NKAIN1: variants seen among roughly 807,000 people sequenced by gnomAD.
NKAIN1 encodes sodium/potassium-transporting ATPase subunit beta-1-interacting protein 1.
NKAIN1 carries 13 observed loss-of-function variants against 31.6 expected under a neutral mutation model. The ratio of observed to expected loss-of-function variants is 0.41; its 90% confidence interval spans 0.27 to 0.65. NKAIN1 has a LOEUF of 0.65. NKAIN1 is among the 30% of genes least tolerant of loss of function. The pLI is 0.30. For synonymous variants in NKAIN1, 104 were observed against 109.0 expected (o/e 0.95, Z 0.28); for missense variants, 193 against 262.2 (o/e 0.74, Z 1.82).
intron 4 of NKAIN1, among the ~76,000 whole-genome samples, chr1:31,183,474 G>GTTTTTTTTTTTTTTTTTT (rs1553161537): frequency 9.9e-6 from 1 of 101,022 alleles, no homozygotes; most frequent in African/African-American, 5.3e-5. Flanking sequence ...TTTTTATGGA[G>GTTTTTTTTTTTTTTTTTT]TTTCGCTCTT....
chr1:31,237,521 A>G (rs538166398), intron 1 of NKAIN1, among the ~76,000 whole-genome samples: 116 of 149,274 alleles, frequency 7.8e-4, no homozygotes, highest in African/African-American at 2.8e-3. Context: ...TTTTTTTGAG[A>G]CACAGTTTCA....
intron 1 of NKAIN1, among the ~76,000 whole-genome samples, chr1:31,209,320 A>G (rs1382974679): frequency 6.6e-6 from 1 of 152,140 alleles, no homozygotes; most frequent in Non-Finnish European, 1.5e-5. Flanking sequence ...GGTTGCAGTG[A>G]GCCGAGATTG....
chr1:31,185,166 GTCCTATACCACAGT>G lies in NKAIN1; in HGVS notation c.273+67_273+80del, dbSNP rs1367719346. ...GACTTCTTCGAGACATGATGCTCTG[GTCCTATACCACAGT>G]ACCCTTAGGGCAGGGGATGGGAATG... On this transcript the variant is annotated intron_variant, in intron 3 of 6. Coordinates refer to ENST00000373736, the MANE Select transcript of NKAIN1 (RefSeq NM_024522.3). 8.1e-6 allele frequency: 9 copies of G among 1,112,954 alleles called. No homozygotes were observed. In the Admixed American group the frequency reaches 1.0e-4, roughly 12 times the overall value. 68.9% of individuals were successfully genotyped at this position (1,112,954 alleles called of 1,614,324 possible). A position where few individuals can be genotyped will look rare whatever the true frequency, so the allele number is the denominator to read the frequency against.
intron 1 of NKAIN1, among the ~76,000 whole-genome samples, chr1:31,190,143 G>T (rs1173707753): frequency 6.6e-6 from 1 of 152,194 alleles, no homozygotes; most frequent in Non-Finnish European, 1.5e-5. Flanking sequence ...GATAAAGTGA[G>T]AAGATATAAG....
Position 31,188,158 on chromosome 1 carries a change from G to A in NKAIN1, c.84C>T (p.Asp28=), listed in dbSNP as rs925667100. 1.3e-6 allele frequency: 2 copies of A among 1,551,694 alleles called. No homozygotes were observed. Among genetic ancestry groups the A allele is most frequent in the Non-Finnish European group, 1.7e-6 (2 of 1,146,978 alleles). The change falls in exon 2 of 7, where the codon GAC becomes GAT. Residue 28 remains aspartate, a synonymous_variant. Transcript: ENST00000373736. ...LVAALERQIF[D]FLGYQWAPIL... ...TGGGAGCCCACTGGTAGCCCAGGAA[G>A]TCAAAGATCTGCCGCTCCAGCGCAG... is the stretch of plus-strand genomic sequence containing the variant.
chr1:31,211,839 G>T (rs4949363), intron 1 of NKAIN1, among the ~76,000 whole-genome samples: 102,133 of 151,952 alleles, frequency 0.67, 35,217 homozygotes, highest in Middle Eastern at 0.86. Flanking sequence ...CTACTCAGGA[G>T]GCTGAGGTAG....
chr1:31,237,557 C>T (rs1183499449), intron 1 of NKAIN1, among the ~76,000 whole-genome samples: 1 of 151,072 alleles, frequency 6.6e-6, no homozygotes, highest in African/African-American at 2.4e-5. Context: ...TGGAGTGCAG[C>T]GGCGTGATCT....
intron 1 of NKAIN1, among the ~76,000 whole-genome samples, chr1:31,221,838 A>G (rs1645567376): frequency 6.6e-6 from 1 of 152,140 alleles, no homozygotes; most frequent in Non-Finnish European, 1.5e-5. Flanking sequence ...GGCCAGGGGT[A>G]GGGTTTAAAC....
chr1:31,218,207 T>A lies in NKAIN1; in HGVS notation c.54+21287A>T, dbSNP rs568903521. Among the ~76,000 whole-genome samples the A allele has an allele frequency of 2.6e-5, 4 of 151,782 alleles. No homozygotes were observed. In the East Asian group the frequency reaches 7.8e-4, roughly 29 times the overall value. Reference sequence around the variant, plus strand: ...CCTCCCGGGTAGCTGGGACTACAGGTGCACACTGCCATGCCTGGCTAATTT... The same window carrying A: ...CCTCCCGGGTAGCTGGGACTACAGGAGCACACTGCCATGCCTGGCTAATTT... On this transcript the variant is annotated intron_variant, in intron 1 of 6. Coordinates refer to ENST00000373736, the MANE Select transcript of NKAIN1 (RefSeq NM_024522.3).
At chr1:31,188,304 C>T in intron 1 of NKAIN1, 117 bp from the exon 2 acceptor site, 2 of 1,084,594 alleles carry the variant, frequency 1.8e-6, no homozygotes, top group Non-Finnish European at 2.6e-6. Context: ...GCATAAGCCT[C>T]AGAACAATCC....
At chr1:31,227,190 G>A (rs1440433017) in intron 1 of NKAIN1, among the ~76,000 whole-genome samples, 2 of 152,158 alleles carry the variant, frequency 1.3e-5, no homozygotes, top group African/African-American at 4.8e-5. Context: ...CCTGGCTGTT[G>A]GCACCAGCCA....
At chr1:31,214,360 T>C (rs67092462) in intron 1 of NKAIN1, among the ~76,000 whole-genome samples, 17,553 of 151,522 alleles carry the variant, frequency 0.12, 1,776 homozygotes, top group African/African-American at 0.27. Flanking sequence ...CAGATAGTGG[T>C]GATGGCTGCA....
At chr1:31,220,991 C>T (rs1645560548) in intron 1 of NKAIN1, among the ~76,000 whole-genome samples, 2 of 152,046 alleles carry the variant, frequency 1.3e-5, no homozygotes, top group African/African-American at 2.4e-5. Context: ...GGAAATAGAG[C>T]AGAATTACAA....
chr1:31,195,642 C>G (rs567877806), intron 1 of NKAIN1, among the ~76,000 whole-genome samples: 1 of 152,228 alleles, frequency 6.6e-6, no homozygotes, highest in Non-Finnish European at 1.5e-5. Flanking sequence ...AAAAAAGTGT[C>G]TGGGTATAAT....
At chr1:31,206,870 A>C (rs913837402) in intron 1 of NKAIN1, among the ~76,000 whole-genome samples, 2 of 152,092 alleles carry the variant, frequency 1.3e-5, no homozygotes, top group Non-Finnish European at 2.9e-5. Flanking sequence ...AGTAGCTGGG[A>C]CTATAGGCAT....
intron 1 of NKAIN1, among the ~76,000 whole-genome samples, chr1:31,208,855 G>C (rs1170850237): frequency 1.3e-5 from 2 of 152,198 alleles, no homozygotes; most frequent in African/African-American, 2.4e-5. Flanking sequence ...TCTGCGAGTT[G>C]TGATACTGAG....
chr1:31,196,295 C>T (rs374258869), intron 1 of NKAIN1, among the ~76,000 whole-genome samples: 8 of 152,078 alleles, frequency 5.3e-5, no homozygotes, highest in East Asian at 3.9e-4. Flanking sequence ...GGGTGGATCA[C>T]GAGGTCAGGA....
chr1:31,214,984 C>T (rs6656682), intron 1 of NKAIN1, among the ~76,000 whole-genome samples: 85,535 of 152,044 alleles, frequency 0.56, 24,549 homozygotes, highest in Middle Eastern at 0.58. Context: ...TAAGCACCTA[C>T]GGTGGGGAGT....
At chr1:31,218,553 G>A (rs1645535800) in intron 1 of NKAIN1, among the ~76,000 whole-genome samples, 1 of 152,186 alleles carries the variant, frequency 6.6e-6, no homozygotes, top group Non-Finnish European at 1.5e-5. Flanking sequence ...CTTTTAGGAA[G>A]TAACAGATGC....
Sources: gnomAD v4.1 joint callset for allele counts (sites outside exome capture counted in the v4.1 genomes callset) on GRCh38, gnomAD v4.1.1 for gene constraint, MANE v1.5 for transcripts, NCBI Gene and HGNC (gene_info 2026-07-23, HGNC 2026-07-21) for gene names.